Variants in GON4L observed in about 807,000 individuals in gnomAD.
GON4L encodes GON-4-like protein.
In GON4L, 87 loss-of-function variants were observed where a neutral mutation model predicts 211.8. The observed-to-expected ratio is 0.41, with a 90% confidence interval of 0.35 to 0.49. GON4L has a LOEUF of 0.49. Among genes scored for constraint, GON4L ranks in the 20% least tolerant of loss-of-function variants. The probability of loss-of-function intolerance (pLI) is 0.15; values close to 1 mark genes in which losing one functional copy is unlikely to be tolerated. For synonymous variants in GON4L, 875 were observed against 962.6 expected (o/e 0.91, Z 1.68); for missense variants, 2,155 against 2,659.5 (o/e 0.81, Z 4.17).
At chr1:155,822,603 G>C in intron 3 of GON4L, 127 bp from the exon 4 acceptor site, 1 of 734,884 alleles carries the variant, frequency 1.4e-6, no homozygotes, top group Non-Finnish European at 2.4e-6. Flanking sequence ...AGATGTAAAA[G>C]GACACATATT....
intron 29 of GON4L, among the ~76,000 whole-genome samples, chr1:155,752,848 G>T (rs896426638): frequency 1.3e-4 from 20 of 152,198 alleles, no homozygotes; most frequent in Admixed American, 4.6e-4. Context: ...GTGGAGGTGG[G>T]GGGCATAATG....
chr1:155,809,303 A>G (rs1481081761), intron 10 of GON4L, among the ~76,000 whole-genome samples: 4 of 152,070 alleles, frequency 2.6e-5, no homozygotes, highest in Admixed American at 6.6e-5. Context: ...TTACTTGTTT[A>G]TATGTTTATA....
chr1:155,776,305 A>T, intron 16 of GON4L, 90 bp downstream of exon 16: 1 of 938,186 alleles, frequency 1.1e-6, no homozygotes, highest in Non-Finnish European at 1.7e-6. Flanking sequence ...AAGAATAAAT[A>T]TAGATTATGA....
intron 2 of GON4L, among the ~76,000 whole-genome samples, chr1:155,833,646 CAAAAAAAAAAAAA>C (rs59340708): frequency 9.1e-4 from 15 of 16,412 alleles, no homozygotes; most frequent in African/African-American, 1.2e-3. Context: ...ACTCTGTCTC[CAAAAAAAAAAAAA>C]AAAAAAAAAA....
chr1:155,759,612 C>T lies in GON4L; in HGVS notation c.5109+832G>A, dbSNP rs1016307918. ...ATTTTTTTTTTTGTTCACGTATACA[C>T]TGATTGGAACCTCATAATACCAGAA... On this transcript the variant is annotated intron_variant, in intron 24 of 31. Coordinates refer to ENST00000368331, the MANE Select transcript of GON4L (RefSeq NM_001282860.2). Among the ~76,000 whole-genome samples the T allele has an allele frequency of 2.0e-5, 3 of 151,556 alleles. No homozygotes were observed. In the East Asian group the frequency reaches 5.8e-4, roughly 29 times the overall value.
At chr1:155,826,701 TG>T in intron 3 of GON4L, 135 bp downstream of exon 3, 1 of 665,900 alleles carries the variant, frequency 1.5e-6, no homozygotes, top group East Asian at 2.7e-5. Context: ...TATCTTGATC[TG>T]GGTCCTGCTT....
chr1:155,833,864 G>A lies in GON4L; in HGVS notation c.506-6836C>T, dbSNP rs1487709218. Among the ~76,000 whole-genome samples the A allele has an allele frequency of 4.0e-5, 6 of 151,864 alleles. No individual in the cohort carries two copies. In the East Asian group the frequency reaches 5.8e-4, roughly 15 times the overall value. On this transcript the variant is annotated intron_variant, in intron 2 of 31. Coordinates refer to ENST00000368331, the MANE Select transcript of GON4L (RefSeq NM_001282860.2). Reference sequence around the variant, plus strand: ...TTTTTTACAGACAAGGTCTTGCTCTGTCACCCAGGTTGCAATGCAGTGGTG... The same window carrying A: ...TTTTTTACAGACAAGGTCTTGCTCTATCACCCAGGTTGCAATGCAGTGGTG...
rs763846937 is a variant in GON4L at position 155,750,611 on chromosome 1, A to G, written c.6699T>C (p.Leu2233=). 20 of 1,589,994 alleles carry G rather than the reference A, an allele frequency of 1.3e-5. No homozygotes were observed. The highest frequency in any genetic ancestry group is 1.5e-5 in the Non-Finnish European group (17 of 1,159,956). The stretch of plus-strand genomic sequence containing the variant: ...ATTCATCCAGCTCCTCTTCAGACAG[A>G]AGGTCCCCATGGTCAGACAGCTGGT... The part of the protein sequence containing the change: ...NADQLSDHGD[L]LSEEELDE Residue 2233 remains leucine, a synonymous_variant, in exon 32 of 32, where the codon CTT becomes CTC. Transcript: ENST00000368331.
intron 13 of GON4L, chr1:155,784,657 C>T (rs6662953): frequency 0.29 from 48,232 of 167,340 alleles, 7,823 homozygotes; most frequent in East Asian, 0.7. Flanking sequence ...GCTGGGATTA[C>T]AAGCGTGAGC....
chr1:155,749,567 C>A, downstream of GON4L: 16 of 1,421,598 alleles, frequency 1.1e-5, no homozygotes, highest in Non-Finnish European at 1.5e-5. Flanking sequence ...CTCCTCCTTA[C>A]CCCCACCTCT....
At chr1:155,747,993 T>C (rs1209919407), downstream of GON4L, 5 of 1,596,730 alleles carry the variant, frequency 3.1e-6, no homozygotes, top group South Asian at 1.1e-5. Flanking sequence ...CAGAGAAACA[T>C]CTATCGTCTA....
chr1:155,830,086 G>A (rs757711379), intron 2 of GON4L, among the ~76,000 whole-genome samples: 54 of 152,020 alleles, frequency 3.6e-4, no homozygotes, highest in Non-Finnish European at 6.8e-4. Context: ...GAGTAGCTGG[G>A]ATTACAGGCG....
intron 10 of GON4L, 145 bp from the exon 11 acceptor site, chr1:155,805,286 C>T (rs1667027850): frequency 1.5e-6 from 1 of 657,894 alleles, no homozygotes; most frequent in African/African-American, 1.8e-5. Context: ...CTTTAAGAAA[C>T]ACGACATAAA....
intron 2 of GON4L, among the ~76,000 whole-genome samples, chr1:155,838,793 T>A (rs893272432): frequency 4.0e-5 from 6 of 149,894 alleles, no homozygotes; most frequent in African/African-American, 7.3e-5. Flanking sequence ...GAAAAAAAAT[T>A]ATAAATAATA....
At chr1:155,788,688 A>T (rs1665200247) in intron 12 of GON4L, among the ~76,000 whole-genome samples, 1 of 152,226 alleles carries the variant, frequency 6.6e-6, no homozygotes, top group East Asian at 1.9e-4. Context: ...ATGCAACACA[A>T]ATGAATCTCA....
In GON4L at chr1:155,762,537, T is replaced by C. The variant is rs146191124; in HGVS notation, c.4727-163A>G. On this transcript the variant is annotated intron_variant, in intron 22 of 31. Coordinates refer to ENST00000368331, the MANE Select transcript of GON4L (RefSeq NM_001282860.2). Reference sequence around the variant, plus strand: ...ATGAGAACTAAGTCCGTCAAGTCAGTTCTACGCAGAGTCTGCAGTGTAACT... The same window carrying C: ...ATGAGAACTAAGTCCGTCAAGTCAGCTCTACGCAGAGTCTGCAGTGTAACT... Among the ~76,000 whole-genome samples the C allele has an allele frequency of 2.3e-4, 35 of 152,356 alleles. 1 individual carries two copies. The East Asian group carries it at 4.2e-3, about 18-fold the overall frequency.
chr1:155,825,540 C>G (rs1057456775), intron 3 of GON4L, among the ~76,000 whole-genome samples: 1 of 149,838 alleles, frequency 6.7e-6, no homozygotes, highest in African/African-American at 2.5e-5. Flanking sequence ...CTACTGCACT[C>G]CAGTCTGGGT....
chr1:155,766,539 G>T lies in GON4L; in HGVS notation c.2934C>A (p.Val978=). 1 of 1,613,968 alleles carries T rather than the reference G, an allele frequency of 6.2e-7. No homozygotes were observed. The highest frequency in any genetic ancestry group is 8.5e-7 in the Non-Finnish European group (1 of 1,180,018). ...RYPLLLPKGV[V]LKLKPVATRF... is the part of the protein sequence containing the mutation. ...GGGTGGCAACTGGCTTCAGTTTCAG[G>T]ACTACACCCTTAGGCAATAGCAGTG... The change falls in exon 21 of 32, where the codon GTC becomes GTA. Residue 978 remains valine, a synonymous_variant. Transcript: ENST00000368331.
chr1:155,824,762 C>CAAAAAA (rs58791710), intron 3 of GON4L, among the ~76,000 whole-genome samples: 1 of 52,010 alleles, frequency 1.9e-5, no homozygotes, highest in Non-Finnish European at 4.3e-5. Context: ...GACTCTGTCG[C>CAAAAAA]AAAAAAAAAA....
Sources: allele counts gnomAD v4.1 joint callset (sites outside exome capture counted in the v4.1 genomes callset), GRCh38; gene constraint gnomAD v4.1.1; transcripts MANE v1.5; gene names NCBI Gene and HGNC (gene_info 2026-07-23, HGNC 2026-07-21).